NFIB: variants seen among roughly 807,000 people sequenced by gnomAD.
The protein encoded by NFIB is nuclear factor I B.
A neutral mutation model predicts 61.5 loss-of-function variants in NFIB; 11 were observed. That is an observed-to-expected ratio of 0.18 (90% CI 0.11 to 0.30). NFIB has a LOEUF of 0.30. Ranked by LOEUF, NFIB falls within the 10% of genes least tolerant of loss-of-function variation. The probability of loss-of-function intolerance (pLI) is 1.00; values close to 1 mark genes in which losing one functional copy is unlikely to be tolerated. For missense variants in NFIB, 471 were observed against 608.9 expected (o/e 0.77, Z 2.38); for synonymous variants, 260 against 216.5 (o/e 1.20, Z -1.76).
chr9:14,127,202 T>A (rs1229463538), intron 6 of NFIB, among the ~76,000 whole-genome samples: 1 of 152,254 alleles, frequency 6.6e-6, no homozygotes, highest in Non-Finnish European at 1.5e-5. Context: ...ACTAAGAGAC[T>A]ATACCATGCA....
intron 10 of NFIB, among the ~76,000 whole-genome samples, chr9:14,103,579 G>C (rs10961380): frequency 0.015 from 2,332 of 152,220 alleles, 102 homozygotes; most frequent in East Asian, 0.11. Context: ...TGTGGCCAAA[G>C]AAATAGGCTA....
intron 1 of NFIB, among the ~76,000 whole-genome samples, chr9:14,394,934 AATTATT>A (rs1271081031): frequency 6.6e-6 from 1 of 152,112 alleles, no homozygotes; most frequent in Non-Finnish European, 1.5e-5. Context: ...AATGAATTGC[AATTATT>A]ATTATTATAT....
At chr9:14,502,678 C>T in the NFIB span, among the ~76,000 whole-genome samples, 1 of 152,026 alleles carries the variant, frequency 6.6e-6, no homozygotes, top group African/African-American at 2.4e-5. Context: ...GTAAGGAATC[C>T]CTATTGTTTC....
intron 2 of NFIB, among the ~76,000 whole-genome samples, chr9:14,257,719 G>A (rs1039729582): frequency 6.6e-6 from 1 of 152,096 alleles, no homozygotes; most frequent in Non-Finnish European, 1.5e-5. Context: ...TCGCTTCACA[G>A]CACTTTAGCC....
chr9:14,495,255 G>T, the NFIB span, among the ~76,000 whole-genome samples: 1 of 151,984 alleles, frequency 6.6e-6, no homozygotes, highest in African/African-American at 2.4e-5. Context: ...ATAAATCCCA[G>T]AGCAGATCTC....
intron 3 of NFIB, among the ~76,000 whole-genome samples, chr9:14,170,640 C>G (rs142185165): frequency 1.3e-5 from 2 of 152,032 alleles, no homozygotes; most frequent in Admixed American, 6.6e-5. Flanking sequence ...GACCCCATCT[C>G]GGGGAGAGGG....
intron 10 of NFIB, among the ~76,000 whole-genome samples, chr9:14,095,506 T>C (rs958792591): frequency 1.3e-5 from 2 of 152,124 alleles, no homozygotes; most frequent in African/African-American, 2.4e-5. Flanking sequence ...TTCTTTTCAA[T>C]GCTATTGTTA....
At chr9:14,467,889 G>T in the NFIB span, among the ~76,000 whole-genome samples, 3 of 152,172 alleles carry the variant, frequency 2.0e-5, no homozygotes, top group African/African-American at 7.2e-5. Flanking sequence ...GGCTGAGTGA[G>T]ATTTAATAAC....
the NFIB span, among the ~76,000 whole-genome samples, chr9:14,498,415 C>T: frequency 2.0e-5 from 3 of 152,164 alleles, no homozygotes; most frequent in African/African-American, 2.4e-5. Flanking sequence ...TACTGGGTAG[C>T]GTGGACAACC....
At chr9:14,227,822 G>A (rs903049873) in intron 2 of NFIB, among the ~76,000 whole-genome samples, 6 of 152,130 alleles carry the variant, frequency 3.9e-5, no homozygotes, top group African/African-American at 9.7e-5. Flanking sequence ...TAATATTGCT[G>A]TTTAGCTGCA....
chr9:14,401,026 G>C (rs759726713), upstream of NFIB, among the ~76,000 whole-genome samples: 5 of 152,206 alleles, frequency 3.3e-5, no homozygotes, highest in African/African-American at 1.2e-4. Flanking sequence ...ATCATCCCAA[G>C]AAGGGACAGA....
the NFIB span, among the ~76,000 whole-genome samples, chr9:14,457,909 C>T: frequency 3.3e-5 from 5 of 152,042 alleles, no homozygotes; most frequent in Admixed American, 1.3e-4. Context: ...CAGGACCAGG[C>T]GGATTCACAG....
chr9:14,301,091 T>TA (rs1278296431), intron 2 of NFIB, among the ~76,000 whole-genome samples: 1 of 152,230 alleles, frequency 6.6e-6, no homozygotes, highest in African/African-American at 2.4e-5. Context: ...AAGTGCTTCT[T>TA]AGGTACCACC....
At chr9:14,164,051 C>T (rs563905683) in intron 3 of NFIB, among the ~76,000 whole-genome samples, 2 of 151,352 alleles carry the variant, frequency 1.3e-5, no homozygotes, top group Admixed American at 6.6e-5. Context: ...AGAACAGCAT[C>T]ACAACCACCC....
In NFIB at chr9:14,307,472, T is replaced by C; in HGVS notation, c.79A>G (p.Ile27Val). 1 of 1,613,396 alleles carries C rather than the reference T, an allele frequency of 6.2e-7. No individual in the cohort carries two copies. Among genetic ancestry groups the C allele is most frequent in the Non-Finnish European group, 8.5e-7 (1 of 1,179,746 alleles). ...TGCAGGTTGAACCAAGTATAGGCAA[T>C]TGCACGGACATGTGGAAGAAGTGCC... ...IEALLPHVRA[I>V]AYTWFNLQAR... Residue 27 changes from isoleucine (I) to valine (V), a missense_variant, in exon 2 of 11, where the codon ATT becomes GTT. This residue lies in a region of NFIB where 99 missense variants were observed against 213.3 expected (regional missense o/e 0.46). Transcript: ENST00000380953. The surrounding 1 kb of genome is among the most constrained non-coding windows in gnomAD (Gnocchi z 5.3).
intron 2 of NFIB, among the ~76,000 whole-genome samples, chr9:14,303,767 T>TC (rs563296559): frequency 2.1e-3 from 319 of 152,172 alleles, no homozygotes; most frequent in Middle Eastern, 3.4e-3. Flanking sequence ...GCCTTTTTTT[T>TC]CCCCCTCGCC....
the NFIB span, among the ~76,000 whole-genome samples, chr9:14,448,471 G>C: frequency 2.2e-4 from 33 of 152,160 alleles, no homozygotes; most frequent in Non-Finnish European, 7.4e-5. Flanking sequence ...ATTCCCATGA[G>C]AGTGGCAGTA....
chr9:14,406,181 G>C, the NFIB span, among the ~76,000 whole-genome samples: 1 of 152,196 alleles, frequency 6.6e-6, no homozygotes, highest in African/African-American at 2.4e-5. Flanking sequence ...GAGTTTCTCT[G>C]AGAAAGCAGA....
chr9:14,329,144 C>T (rs929444223), intron 1 of NFIB, among the ~76,000 whole-genome samples: 3 of 152,144 alleles, frequency 2.0e-5, no homozygotes, highest in Non-Finnish European at 4.4e-5. Context: ...AGTTCTTGAT[C>T]TAGATCAAAT....
Sources: allele counts gnomAD v4.1 joint callset (sites outside exome capture counted in the v4.1 genomes callset), GRCh38; gene constraint gnomAD v4.1.1; regional missense constraint gnomAD v4.1.1; non-coding constraint Gnocchi (gnomAD v3.1); transcripts MANE v1.5; gene names NCBI Gene and HGNC (gene_info 2026-07-23, HGNC 2026-07-21).